Variants in PCDH9 observed in about 807,000 individuals in gnomAD.
PCDH9 encodes protocadherin-9.
In PCDH9, 24 loss-of-function variants were observed where a neutral mutation model predicts 70.6. The ratio of observed to expected loss-of-function variants is 0.34; its 90% CI spans 0.25 to 0.48. The LOEUF (loss-of-function observed/expected upper bound fraction) is 0.48. Ranked by LOEUF, PCDH9 falls within the 20% of genes least tolerant of loss-of-function variation. The pLI, the probability that PCDH9 is intolerant of heterozygous loss-of-function variation, is 0.99. For missense variants in PCDH9, 1,281 were observed against 1,503.6 expected (o/e 0.85, Z 2.45); for synonymous variants, 562 against 558.5 (o/e 1.01, Z -0.09).
chr13:66,929,566 CA>C (rs2082773212), intron 2 of PCDH9, among the ~76,000 whole-genome samples: 1 of 152,080 alleles, frequency 6.6e-6, no homozygotes, highest in Non-Finnish European at 1.5e-5. Context: ...TCAGGTGATC[CA>C]CCTGCCTCCG....
chr13:67,042,431 C>T (rs1041305865), intron 2 of PCDH9, among the ~76,000 whole-genome samples: 15 of 152,022 alleles, frequency 9.9e-5, no homozygotes, highest in Non-Finnish European at 1.6e-4. Context: ...CCTTATAAAA[C>T]CATCAGATCA....
chr13:67,186,270 T>C (rs9599196), intron 2 of PCDH9, among the ~76,000 whole-genome samples: 9,772 of 152,202 alleles, frequency 0.064, 402 homozygotes, highest in African/African-American at 0.095. Context: ...CCTTTGAATA[T>C]GTTGAGTGAT....
chr13:66,609,574 C>T (rs979971809), intron 4 of PCDH9, among the ~76,000 whole-genome samples: 5 of 151,946 alleles, frequency 3.3e-5, no homozygotes, highest in Admixed American at 6.6e-5. Flanking sequence ...TTTATATATG[C>T]ATTTGGCATA....
intron 2 of PCDH9, among the ~76,000 whole-genome samples, chr13:67,182,323 G>A (rs533501198): frequency 4.6e-5 from 7 of 152,156 alleles, no homozygotes; most frequent in Middle Eastern, 3.4e-3. Context: ...GAGTTGAGAG[G>A]TTAGACACAA....
chr13:66,553,973 T>G (rs1211496018), intron 4 of PCDH9, among the ~76,000 whole-genome samples: 1 of 152,194 alleles, frequency 6.6e-6, no homozygotes, highest in Non-Finnish European at 1.5e-5. Flanking sequence ...GCATTCTTCT[T>G]TTTAAATGCT....
At chr13:66,951,527 A>G (rs919581251) in intron 2 of PCDH9, among the ~76,000 whole-genome samples, 14 of 143,370 alleles carry the variant, frequency 9.8e-5, no homozygotes, top group African/African-American at 3.8e-4. Flanking sequence ...CAAAGAACCT[A>G]TTCTCATAGG....
intron 3 of PCDH9, among the ~76,000 whole-genome samples, chr13:66,708,774 A>G (rs1566519649): frequency 6.6e-6 from 1 of 152,196 alleles, no homozygotes; most frequent in Non-Finnish European, 1.5e-5. Context: ...CTGTAGCTCA[A>G]AAGTGGAGTG....
intron 2 of PCDH9, among the ~76,000 whole-genome samples, chr13:66,987,272 A>ATTC (rs2083911296): frequency 1.3e-5 from 2 of 152,032 alleles, no homozygotes; most frequent in Non-Finnish European, 2.9e-5. Context: ...TTTCAAGGCT[A>ATTC]AATAAACACT....
intron 3 of PCDH9, among the ~76,000 whole-genome samples, chr13:66,803,973 G>A (rs778470577): frequency 6.6e-6 from 1 of 152,130 alleles, no homozygotes; most frequent in East Asian, 1.9e-4. Context: ...GGTGCCAGGG[G>A]CTACTAGAAC....
At chr13:66,851,257 A>T (rs1332986910) in intron 3 of PCDH9, among the ~76,000 whole-genome samples, 1 of 152,180 alleles carries the variant, frequency 6.6e-6, no homozygotes, top group Non-Finnish European at 1.5e-5. Flanking sequence ...CCTCTGACTG[A>T]ATTGCAAAAT....
At chr13:66,441,623 C>T (rs1018507546) in intron 4 of PCDH9, among the ~76,000 whole-genome samples, 6 of 151,780 alleles carry the variant, frequency 4.0e-5, no homozygotes, top group African/African-American at 1.5e-4. Context: ...ATAGAGTTTC[C>T]AAAGCTAACG....
chr13:66,765,005 T>A (rs2079689583), intron 3 of PCDH9, among the ~76,000 whole-genome samples: 1 of 149,352 alleles, frequency 6.7e-6, no homozygotes, highest in African/African-American at 2.4e-5. Flanking sequence ...CATCTGTCTC[T>A]CTCTCTGTCT....
At chr13:66,917,212 T>C (rs1474367609) in intron 2 of PCDH9, among the ~76,000 whole-genome samples, 1 of 151,488 alleles carries the variant, frequency 6.6e-6, no homozygotes, top group African/African-American at 2.4e-5. Flanking sequence ...TTATTCTTCA[T>C]GTGTAAACAA....
chr13:66,849,517 T>TATATATATAGAGAGAG (rs1272589939), intron 3 of PCDH9, among the ~76,000 whole-genome samples: 16 of 63,572 alleles, frequency 2.5e-4, no homozygotes, highest in Non-Finnish European at 3.9e-4. Context: ...TATATATATA[T>TATATATATAGAGAGAG]AGAGAGAGAG....
intron 2 of PCDH9, among the ~76,000 whole-genome samples, chr13:67,118,905 A>G (rs540891207): frequency 6.6e-6 from 1 of 152,294 alleles, no homozygotes; most frequent in East Asian, 1.9e-4. Context: ...CATTTAAATT[A>G]GTTTATTTGC....
At chr13:66,967,863 T>C (rs2083455931) in intron 2 of PCDH9, among the ~76,000 whole-genome samples, 1 of 152,066 alleles carries the variant, frequency 6.6e-6, no homozygotes. Context: ...TTATGTCATA[T>C]ACTTGTCTCT....
At chr13:66,454,598 G>C (rs879171662) in intron 4 of PCDH9, among the ~76,000 whole-genome samples, 1 of 152,096 alleles carries the variant, frequency 6.6e-6, no homozygotes, top group Admixed American at 6.6e-5. Flanking sequence ...TCTCTTCATG[G>C]AGGACTTGAA....
At chr13:66,779,839 C>CTATATATA (rs1217221898) in intron 3 of PCDH9, among the ~76,000 whole-genome samples, 17 of 24,672 alleles carry the variant, frequency 6.9e-4, no homozygotes, top group Non-Finnish European at 1.2e-3. Context: ...CTCTCTCTCT[C>CTATATATA]TCTCTCTCTC....
intron 2 of PCDH9, among the ~76,000 whole-genome samples, chr13:66,954,124 C>A (rs1050816852): frequency 1.3e-5 from 2 of 152,172 alleles, no homozygotes; most frequent in Non-Finnish European, 2.9e-5. Context: ...GTATCAGGAG[C>A]TGTTGCCACC....
Sources: gnomAD v4.1 joint callset for allele counts (sites outside exome capture counted in the v4.1 genomes callset) on GRCh38, gnomAD v4.1.1 for gene constraint, MANE v1.5 for transcripts, NCBI Gene and HGNC (gene_info 2026-07-23, HGNC 2026-07-21) for gene names.